Variants in FHIT observed in about 807,000 individuals in gnomAD.
The protein encoded by FHIT is fragile histidine triad diadenosine triphosphatase.
Under a neutral mutation model 17.9 loss-of-function variants are expected in FHIT, and 19 were observed. That is an observed-to-expected ratio of 1.06 (90% CI 0.74 to 1.56). FHIT has a LOEUF of 1.56. Among genes scored for constraint, FHIT ranks in the 40% most tolerant of loss-of-function variants. The pLI is 0.00. For synonymous variants in FHIT, 81 were observed against 69.7 expected, an observed-to-expected ratio of 1.16 and a Z score of -0.81; for missense variants, 248 against 189.2, an observed-to-expected ratio of 1.31 and a Z score of -1.82.
At chr3:60,792,276 G>A (rs187138519) in intron 4 of FHIT, among the ~76,000 whole-genome samples, 10 of 152,292 alleles carry the variant, frequency 6.6e-5, no homozygotes, top group East Asian at 1.9e-4. Context: ...TTGTAAGTGT[G>A]TATGTGTGTT....
At chr3:60,590,779 G>A (rs782582611) in intron 4 of FHIT, among the ~76,000 whole-genome samples, 1 of 152,066 alleles carries the variant, frequency 6.6e-6, no homozygotes, top group Non-Finnish European at 1.5e-5. Flanking sequence ...CAGAGACCCT[G>A]CACTCGAGTT....
Position 61,016,360 on chromosome 3 carries a change from C to A in FHIT, c.-111+25687G>T, listed in dbSNP as rs137906794. ...AAACAGGGAACAACAAAAATAAGTA[C>A]CACGTTGTCAAAACAGTAAAATAAG... is the stretch of plus-strand genomic sequence containing the variant. On this transcript the variant is annotated intron_variant, in intron 3 of 9. Transcript: ENST00000492590. Among the ~76,000 whole-genome samples, 13 of 152,194 alleles carry A rather than the reference C, an allele frequency of 8.5e-5. No homozygotes were observed. The East Asian group carries it at 2.1e-3, about 25-fold the overall frequency.
At chr3:59,940,306 CA>C in intron 7 of FHIT, among the ~76,000 whole-genome samples, 1 of 152,264 alleles carries the variant, frequency 6.6e-6, no homozygotes, top group South Asian at 2.1e-4. Flanking sequence ...TACTTGACCA[CA>C]ACATCTTTCA....
chr3:59,822,586 T>C lies in FHIT; in HGVS notation c.349-70265A>G, dbSNP rs190057463. On this transcript the variant is annotated intron_variant, in intron 8 of 9. Coordinates refer to ENST00000492590, the MANE Select transcript of FHIT (RefSeq NM_002012.4). The stretch of plus-strand genomic sequence containing the variant: ...CATTTTTTCATATATTTTTTGACCA[T>C]TTGTACATTGTCTGTTGAGAATTGT... 1.6e-4 allele frequency among the ~76,000 whole-genome samples: 24 copies of C among 152,330 alleles called. No individual in the cohort carries two copies. The East Asian group carries it at 4.6e-3, about 29-fold the overall frequency.
chr3:60,101,969 G>C (rs979698053), intron 5 of FHIT, among the ~76,000 whole-genome samples: 2 of 152,160 alleles, frequency 1.3e-5, no homozygotes, highest in Non-Finnish European at 2.9e-5. Flanking sequence ...TCTGCTCAAG[G>C]ATCAGTTTAA....
chr3:59,842,071 TC>T (rs1701554857), intron 8 of FHIT, among the ~76,000 whole-genome samples: 1 of 151,868 alleles, frequency 6.6e-6, no homozygotes, highest in Non-Finnish European at 1.5e-5. Context: ...CCATTCTCCC[TC>T]CCCCCAGCTT....
intron 7 of FHIT, among the ~76,000 whole-genome samples, chr3:59,923,888 G>T (rs1305832782): frequency 6.6e-6 from 1 of 152,182 alleles, no homozygotes; most frequent in African/African-American, 2.4e-5. Context: ...GCAGAGAGGA[G>T]CTTCAAAGCA....
chr3:61,165,739 G>A (rs546546291), intron 2 of FHIT: 2 of 152,314 alleles, frequency 1.3e-5, no homozygotes, highest in Admixed American at 1.3e-4. Flanking sequence ...GGAGACTGAG[G>A]CAGGAGAATA....
chr3:60,156,339 G>C (rs1433440490), intron 5 of FHIT, among the ~76,000 whole-genome samples: 2 of 147,822 alleles, frequency 1.4e-5, no homozygotes, highest in African/African-American at 2.5e-5. Flanking sequence ...GACAGAGTGA[G>C]ACTCTGTCTC....
chr3:61,035,050 T>C (rs535891004), intron 3 of FHIT, among the ~76,000 whole-genome samples: 3 of 152,298 alleles, frequency 2.0e-5, no homozygotes, highest in African/African-American at 7.2e-5. Context: ...CAAAAGATCA[T>C]ATATTGTATC....
chr3:60,543,907 C>CTTTTTTTTTTTTTTTTTTTTTTTTTTT (rs71092612), intron 4 of FHIT, among the ~76,000 whole-genome samples: 9 of 52,062 alleles, frequency 1.7e-4, no homozygotes, highest in Middle Eastern at 0.014. Context: ...CCACGCCCGG[C>CTTTTTTTTTTTTTTTTTTTTTTTTTTT]TTTTTTTTTT....
intron 3 of FHIT, among the ~76,000 whole-genome samples, chr3:61,024,326 A>C (rs1181351235): frequency 2.0e-5 from 3 of 152,126 alleles, no homozygotes; most frequent in Non-Finnish European, 4.4e-5. Flanking sequence ...CTTCTCCCCC[A>C]ACAAAATAAC....
chr3:59,818,342 T>C (rs879406990), intron 8 of FHIT, among the ~76,000 whole-genome samples: 4 of 151,946 alleles, frequency 2.6e-5, no homozygotes, highest in Non-Finnish European at 4.4e-5. Flanking sequence ...GGAATGGAAA[T>C]ATAGCAGGGT....
chr3:60,955,626 A>ATATACATG, intron 3 of FHIT, among the ~76,000 whole-genome samples: 1 of 51,618 alleles, frequency 1.9e-5, no homozygotes, highest in Admixed American at 2.1e-4. Context: ...ATATATATAT[A>ATATACATG]TATATATACA....
chr3:60,270,401 C>A (rs575676561), intron 5 of FHIT, among the ~76,000 whole-genome samples: 3 of 152,228 alleles, frequency 2.0e-5, no homozygotes, highest in African/African-American at 7.2e-5. Flanking sequence ...ATGGTTCTAC[C>A]TTTTTAAAAC....
At chr3:60,450,656 G>A (rs1347885437) in intron 5 of FHIT, among the ~76,000 whole-genome samples, 1 of 152,118 alleles carries the variant, frequency 6.6e-6, no homozygotes, top group African/African-American at 2.4e-5. Flanking sequence ...TTCCAGTAAT[G>A]CCAGCACTGG....
intron 3 of FHIT, among the ~76,000 whole-genome samples, chr3:60,952,222 A>G (rs1054686001): frequency 7.1e-6 from 1 of 141,052 alleles, no homozygotes; most frequent in Admixed American, 7.6e-5. Flanking sequence ...TCTATACCAC[A>G]CCGAATCAGT....
intron 8 of FHIT, among the ~76,000 whole-genome samples, chr3:59,847,478 T>C (rs556161617): frequency 1.3e-5 from 2 of 152,196 alleles, no homozygotes; most frequent in African/African-American, 2.4e-5. Context: ...GATCAGACAT[T>C]ATTTTCTTGA....
chr3:59,874,418 G>A (rs1703059948), intron 8 of FHIT, among the ~76,000 whole-genome samples: 1 of 152,210 alleles, frequency 6.6e-6, no homozygotes, highest in African/African-American at 2.4e-5. Context: ...AGTGCTTGCT[G>A]AATTGGAGGT....
Sources: allele counts gnomAD v4.1 joint callset (sites outside exome capture counted in the v4.1 genomes callset), GRCh38; gene constraint gnomAD v4.1.1; transcripts MANE v1.5; gene names NCBI Gene and HGNC (gene_info 2026-07-23, HGNC 2026-07-21).